Variants in SCIN observed in about 807,000 individuals in gnomAD.
SCIN encodes the protein scinderin.
SCIN carries 91 observed loss-of-function variants against 91.8 expected under a neutral mutation model. The ratio of observed to expected loss-of-function variants is 0.99; its 90% confidence interval spans 0.84 to 1.18. SCIN has a LOEUF of 1.18. SCIN is among the 50% of genes most tolerant of loss of function. The pLI, the probability that SCIN is intolerant of heterozygous loss-of-function variation, is 0.00. For synonymous variants in SCIN, 367 were observed against 312.6 expected, an observed-to-expected ratio of 1.17 and a Z score of -1.84; for missense variants, 1,087 against 863.9, an observed-to-expected ratio of 1.26 and a Z score of -3.24.
rs115976782 is a variant in SCIN, at chr7:12,594,732, G to A, written c.517-9782G>A. Among the ~76,000 whole-genome samples the A allele has an allele frequency of 4.0e-3, 614 of 152,248 alleles. 3 individuals carry two copies. The highest frequency in any genetic ancestry group is 5.7e-3 in the Non-Finnish European group (386 of 68,030). On this transcript the variant is annotated intron_variant, in intron 3 of 15. Transcript: ENST00000297029. ...AGAAGGGACCACAGACGACAAAGAC[G>A]AGAGAGGGCGGCGCCTGTCTTGCAG... is the stretch of plus-strand genomic sequence containing the variant.
rs868853038 is a variant in SCIN, at chr7:12,651,531, A to T, written c.1960-310A>T. On this transcript the variant is annotated intron_variant, in intron 14 of 15. Transcript: ENST00000297029. This position sits in a 1 kb window ranked among gnomAD's most constrained non-coding sequence, Gnocchi z 5.9. ...CCCTAGGGGGTGGATGAAAAAAAAA[A>T]GTCCACCCAGACAATCTGTTTTTTT... Among the ~76,000 whole-genome samples, 15 of 151,180 alleles carry T rather than the reference A, an allele frequency of 9.9e-5. No individual in the cohort carries two copies. The highest frequency in any genetic ancestry group is 3.4e-4 in the African/African-American group (14 of 41,132).
At chr7:12,631,287 G>T (rs548484922) in intron 9 of SCIN, among the ~76,000 whole-genome samples, 3 of 152,238 alleles carry the variant, frequency 2.0e-5, no homozygotes, top group South Asian at 4.2e-4. Flanking sequence ...ACTATAACCC[G>T]TGCCTTCAGG....
chr7:12,592,458 C>T (rs1004804362), intron 3 of SCIN, among the ~76,000 whole-genome samples: 4 of 151,784 alleles, frequency 2.6e-5, no homozygotes, highest in African/African-American at 7.3e-5. Flanking sequence ...TATTGAGGAA[C>T]ATTGGGAAAT....
Position 12,604,561 on chromosome 7 carries a change from G to C in SCIN, c.564G>C (p.Leu188=). The C allele has an allele frequency of 1.3e-6, 2 of 1,551,878 alleles. No homozygotes were observed. Among genetic ancestry groups the C allele is most frequent in the Non-Finnish European group, 1.7e-6 (2 of 1,147,034 alleles). The change falls in exon 4 of 16, where the codon CTG becomes CTC. Residue 188 remains leucine, a synonymous_variant. Coordinates refer to ENST00000297029, the MANE Select transcript of SCIN (RefSeq NM_001112706.3). ...CCTCGTGCAACAAATATGAACGTCT[G>C]AAGGCAAACCAGGTAGCTACTGGCA... ...CGSSCNKYER[L]KANQVATGIR...
intron 4 of SCIN, among the ~76,000 whole-genome samples, chr7:12,621,637 G>GTTTTTTTTTTTTT (rs60697843): frequency 9.4e-6 from 1 of 106,396 alleles, no homozygotes; most frequent in African/African-American, 3.6e-5. Context: ...AAGTGTTTTA[G>GTTTTTTTTTTTTT]TTTTTTTTTT....
chr7:12,608,339 A>ACACACG (rs1451566849), intron 4 of SCIN, among the ~76,000 whole-genome samples: 1 of 151,924 alleles, frequency 6.6e-6, no homozygotes, highest in Non-Finnish European at 1.5e-5. Flanking sequence ...ACACACACAC[A>ACACACG]CACACACACA....
In SCIN at chr7:12,592,057, G is replaced by A. The variant is rs532325750; in HGVS notation, c.516+10836G>A. On this transcript the variant is annotated intron_variant, in intron 3 of 15. Coordinates refer to ENST00000297029, the MANE Select transcript of SCIN (RefSeq NM_001112706.3). ...CTAGAGCTTGTCCAAAGAAATGAGG[G>A]CTATCCCTGAAGCCCTGAGGGAGGA... Among the ~76,000 whole-genome samples, 3 of 152,282 alleles carry A rather than the reference G, an allele frequency of 2.0e-5. No individual in the cohort carries two copies. In the South Asian group the frequency reaches 6.2e-4, roughly 32 times the overall value.
At chr7:12,592,936 G>A (rs555251213) in intron 3 of SCIN, among the ~76,000 whole-genome samples, 5 of 152,250 alleles carry the variant, frequency 3.3e-5, no homozygotes, top group South Asian at 2.1e-4. Flanking sequence ...GCCGGGAGCC[G>A]GGGCCCAGGG....
chr7:12,589,820 T>C (rs1460050862), intron 3 of SCIN, among the ~76,000 whole-genome samples: 1 of 152,090 alleles, frequency 6.6e-6, no homozygotes, highest in Admixed American at 6.5e-5. Flanking sequence ...AGCTGAGAGT[T>C]AGAAGGGGGC....
chr7:12,644,835 T>C, intron 13 of SCIN, 130 bp downstream of exon 13: 2 of 770,394 alleles, frequency 2.6e-6, no homozygotes, highest in South Asian at 3.6e-5. Context: ...GACCAACATG[T>C]AGAAACCGTC....
In SCIN at chr7:12,581,098, G is replaced by C; in HGVS notation, c.393G>C (p.Thr131=). 2 of 1,551,208 alleles carry C rather than the reference G, an allele frequency of 1.3e-6. No individual in the cohort carries two copies. The highest frequency in any genetic ancestry group is 1.7e-6 in the Non-Finnish European group (2 of 1,146,754). The change falls in exon 3 of 16, where the codon ACG becomes ACC. Residue 131 remains threonine (T), a synonymous_variant. Transcript: ENST00000297029. ...CATCTGGATTAAATCATGTTCTTACGAACGACCTGACAGCCAAGAGGCTCC... is the reference window on the plus strand; with the variant it reads ...CATCTGGATTAAATCATGTTCTTACCAACGACCTGACAGCCAAGAGGCTCC... ...GVASGLNHVL[T]NDLTAKRLLH... is the part of the protein sequence containing the mutation.
intron 3 of SCIN, among the ~76,000 whole-genome samples, chr7:12,590,898 T>C (rs963269922): frequency 1.3e-5 from 2 of 151,840 alleles, no homozygotes; most frequent in African/African-American, 4.8e-5. Flanking sequence ...ATATTTGGAG[T>C]CTGTATAAAT....
At chr7:12,624,225 G>A (rs1484996932) in intron 5 of SCIN, among the ~76,000 whole-genome samples, 2 of 152,164 alleles carry the variant, frequency 1.3e-5, no homozygotes, top group African/African-American at 2.4e-5. Flanking sequence ...CCCTGGTCCT[G>A]CAAAACTCCA....
At chr7:12,601,652 A>G (rs1782960383) in intron 3 of SCIN, among the ~76,000 whole-genome samples, 1 of 152,032 alleles carries the variant, frequency 6.6e-6, no homozygotes, top group South Asian at 2.1e-4. Flanking sequence ...TGACATAAAA[A>G]CAAACAAAAA....
rs370708940 is a variant in SCIN, at chr7:12,644,842, C to T, written c.1881+137C>T. 5 of 720,608 alleles carry T rather than the reference C, an allele frequency of 6.9e-6. No individual in the cohort carries two copies. The East Asian group carries it at 9.9e-5, about 14-fold the overall frequency. 44.6% of individuals were successfully genotyped at this position (720,608 alleles called of 1,614,324 possible). On this transcript the variant is annotated intron_variant, in intron 13 of 15. Transcript: ENST00000297029. ...ACCAGCCTGACCAACATGTAGAAAC[C>T]GTCTCTACTAAAAATATAAAAATTA... is the stretch of plus-strand genomic sequence containing the variant.
At position 12,657,568 on chromosome 7, in the gene SCIN, ATATATTTTTTTTTTT is replaced by A. The variant is rs1310582946; in HGVS notation, c.*4855_*4869del. The A allele has an allele frequency of 3.6e-3, 75 of 20,586 alleles. No homozygotes were observed. The highest frequency in any genetic ancestry group is 5.7e-3 in the Non-Finnish European group (63 of 10,972). 1.3% of individuals were successfully genotyped at this position (20,586 alleles called of 1,614,324 possible). A position where few individuals can be genotyped will look rare whatever the true frequency, so the allele number is the denominator to read the frequency against. ...TATATATATATATATATATATATAT[ATATATTTTTTTTTTT>A]TTTTTTTTTTTTTTTGCATTGGCAA... is the stretch of plus-strand genomic sequence containing the variant. On this transcript the variant is annotated 3_prime_UTR_variant, in exon 16 of 16. Coordinates refer to ENST00000297029, the MANE Select transcript of SCIN (RefSeq NM_001112706.3).
In SCIN at chr7:12,644,650, C is replaced by G; in HGVS notation, c.1826C>G (p.Ala609Gly). The G allele has an allele frequency of 6.2e-7, 1 of 1,601,434 alleles. No homozygotes were observed. Among genetic ancestry groups the G allele is most frequent in the Non-Finnish European group, 8.5e-7 (1 of 1,173,612 alleles). Reference protein sequence around the residue: ...YQTSPLLETQAEDHPPRLYGC... With the variant: ...YQTSPLLETQGEDHPPRLYGC... ...ACCTCACCACTACTGGAAACCCAGGCTGAAGACCATCCACCTCGGCTTTAC... is the reference window on the plus strand; with the variant it reads ...ACCTCACCACTACTGGAAACCCAGGGTGAAGACCATCCACCTCGGCTTTAC... Residue 609 changes from alanine to glycine, a missense_variant, in exon 13 of 16, where the codon GCT (alanine) becomes GGT (glycine). Transcript: ENST00000297029.
chr7:12,641,142 T>TA (rs1783850165), intron 11 of SCIN, among the ~76,000 whole-genome samples: 1 of 152,174 alleles, frequency 6.6e-6, no homozygotes, highest in African/African-American at 2.4e-5. Context: ...ACATCACCCT[T>TA]ACGCTGCCTG....
intron 13 of SCIN, among the ~76,000 whole-genome samples, chr7:12,647,287 C>A (rs184643824): frequency 2.0e-5 from 3 of 152,132 alleles, no homozygotes; most frequent in Admixed American, 6.5e-5. Context: ...TATTTGGAAC[C>A]CCTTCTGCTC....
Sources: gnomAD v4.1 joint callset for allele counts (sites outside exome capture counted in the v4.1 genomes callset) on GRCh38, gnomAD v4.1.1 for gene constraint, Gnocchi (gnomAD v3.1) non-coding constraint, MANE v1.5 for transcripts, NCBI Gene and HGNC (gene_info 2026-07-23, HGNC 2026-07-21) for gene names.